The following RFC3 variants were observed in gnomAD, a reference collection of about 807,000 sequenced individuals.
RFC3 encodes replication factor C subunit 3, also known as A1 38 kDa subunit.
RFC3 carries 41 observed loss-of-function variants against 45.1 expected under a neutral mutation model. That is an observed-to-expected ratio of 0.91 (90% confidence interval 0.71 to 1.18). The LOEUF (loss-of-function observed/expected upper bound fraction) is 1.18. Ranked by LOEUF, RFC3 falls within the 50% of genes most tolerant of loss-of-function variation. RFC3 has a pLI of 0.00. For missense variants in RFC3, 423 were observed against 428.1 expected, an observed-to-expected ratio of 0.99 and a Z score of 0.10; for synonymous variants, 149 against 144.0, an observed-to-expected ratio of 1.03 and a Z score of -0.25.
chr13:33,961,467 A>G (rs1015529276), intron 8 of RFC3, among the ~76,000 whole-genome samples: 1 of 152,168 alleles, frequency 6.6e-6, no homozygotes, highest in African/African-American at 2.4e-5. Context: ...TCTTTTATCT[A>G]TTCCTAGAAA....
chr13:33,890,512 T>C (rs185027418), intron 8 of RFC3, among the ~76,000 whole-genome samples: 5 of 152,268 alleles, frequency 3.3e-5, no homozygotes, highest in Admixed American at 1.3e-4. Context: ...AAATGAGCAA[T>C]CGTATTGACC....
intron 8 of RFC3, among the ~76,000 whole-genome samples, chr13:33,916,881 G>T (rs941815492): frequency 2.6e-5 from 4 of 152,000 alleles, no homozygotes; most frequent in Admixed American, 2.6e-4. Flanking sequence ...TGCATTTTTG[G>T]TTTATATAAC....
intron 4 of RFC3, among the ~76,000 whole-genome samples, chr13:33,827,393 C>A (rs1022790478): frequency 5.3e-5 from 8 of 152,170 alleles, no homozygotes; most frequent in African/African-American, 1.9e-4. Context: ...GTCACTGTTT[C>A]AAACATCACT....
At chr13:33,866,571 GC>G (rs2082374997) in intron 8 of RFC3, among the ~76,000 whole-genome samples, 2 of 152,142 alleles carry the variant, frequency 1.3e-5, no homozygotes, top group African/African-American at 2.4e-5. Flanking sequence ...ACAGTTCTCA[GC>G]CCTGAGCCAC....
At chr13:33,895,810 G>A (rs1009972975) in intron 8 of RFC3, among the ~76,000 whole-genome samples, 3 of 152,104 alleles carry the variant, frequency 2.0e-5, no homozygotes, top group African/African-American at 7.2e-5. Context: ...GCACACCATA[G>A]AATACTACAC....
At chr13:33,968,142 T>C (rs1566046256), downstream of RFC3, among the ~76,000 whole-genome samples, 1 of 152,212 alleles carries the variant, frequency 6.6e-6, no homozygotes, top group Non-Finnish European at 1.5e-5. Flanking sequence ...TACTCCTTTT[T>C]TTTGAGATGG....
chr13:33,880,645 T>G (rs1334248210), intron 8 of RFC3, among the ~76,000 whole-genome samples: 2 of 152,250 alleles, frequency 1.3e-5, no homozygotes, highest in African/African-American at 4.8e-5. Context: ...TGCTAGTGGC[T>G]ACTGTATTGC....
At chr13:33,873,036 C>G (rs2082422737) in intron 8 of RFC3, among the ~76,000 whole-genome samples, 2 of 152,014 alleles carry the variant, frequency 1.3e-5, no homozygotes, top group Non-Finnish European at 2.9e-5. Flanking sequence ...GTTTAGGAGA[C>G]AAAATTGAGG....
At chr13:33,962,965 A>G (rs2083066482) in intron 8 of RFC3, among the ~76,000 whole-genome samples, 1 of 152,168 alleles carries the variant, frequency 6.6e-6, no homozygotes, top group African/African-American at 2.4e-5. Flanking sequence ...CCTTTGTCAA[A>G]TGACTACTCT....
Position 33,933,381 on chromosome 13 carries a change from A to G in RFC3, c.880-32706A>G, listed in dbSNP as rs763995598. Among the ~76,000 whole-genome samples, 6 of 152,214 alleles carry G rather than the reference A, an allele frequency of 3.9e-5. No individual in the cohort carries two copies. In the Middle Eastern group the frequency reaches 0.014, roughly 345 times the overall value. Reference sequence around the variant, plus strand: ...ACTGCTGGTCAGTGCTGTGGAAACAATTTATCCCAAGAACTTATTATTGGC... The same window carrying G: ...ACTGCTGGTCAGTGCTGTGGAAACAGTTTATCCCAAGAACTTATTATTGGC... On this transcript the variant is annotated intron_variant, in intron 8 of 8. Coordinates refer to the RFC3 transcript ENST00000434425.
intron 7 of RFC3, 62 bp from the exon 8 acceptor site, chr13:33,835,086 G>A (rs1446769204): frequency 1.7e-5 from 18 of 1,037,686 alleles, no homozygotes; most frequent in Non-Finnish European, 2.5e-5. Flanking sequence ...CCATACAGTG[G>A]GAATTTGGAA....
downstream of RFC3, among the ~76,000 whole-genome samples, chr13:33,967,663 T>G (rs1477250748): frequency 1.3e-5 from 2 of 151,770 alleles, no homozygotes; most frequent in Non-Finnish European, 1.5e-5. Flanking sequence ...AATTTTTGTA[T>G]TTTTAGTAGA....
chr13:33,929,559 G>A (rs1485289166), intron 8 of RFC3, among the ~76,000 whole-genome samples: 1 of 151,916 alleles, frequency 6.6e-6, no homozygotes, highest in Non-Finnish European at 1.5e-5. Context: ...AATGTCCTTA[G>A]GAATTTCTTT....
At chr13:33,900,812 G>A (rs1321257213) in intron 8 of RFC3, among the ~76,000 whole-genome samples, 1 of 139,482 alleles carries the variant, frequency 7.2e-6, no homozygotes, top group Non-Finnish European at 1.5e-5. Context: ...GAATATAGAA[G>A]AAGCTAAAAC....
chr13:33,973,461 A>G, the RFC3 span, among the ~76,000 whole-genome samples: 1 of 152,152 alleles, frequency 6.6e-6, no homozygotes, highest in Non-Finnish European at 1.5e-5. Flanking sequence ...CACATCTGGA[A>G]AGGGAGATAG....
At chr13:33,883,492 A>G (rs960801628) in intron 8 of RFC3, among the ~76,000 whole-genome samples, 1 of 152,136 alleles carries the variant, frequency 6.6e-6, no homozygotes, top group Admixed American at 6.5e-5. Flanking sequence ...TAACCTATAT[A>G]TAACTAAAAT....
chr13:33,920,420 CTTTT>C (rs777079510), intron 8 of RFC3, among the ~76,000 whole-genome samples: 2 of 83,168 alleles, frequency 2.4e-5, no homozygotes, highest in African/African-American at 5.1e-5. Context: ...TACAACCACA[CTTTT>C]TTTTTTTTTT....
At chr13:33,887,628 T>G (rs2082534729) in intron 8 of RFC3, among the ~76,000 whole-genome samples, 1 of 152,220 alleles carries the variant, frequency 6.6e-6, no homozygotes, top group Non-Finnish European at 1.5e-5. Context: ...GTGCAGGAGC[T>G]CTTTAGTTTA....
intron 8 of RFC3, among the ~76,000 whole-genome samples, chr13:33,844,235 G>T (rs1248481108): frequency 6.6e-6 from 1 of 152,118 alleles, no homozygotes; most frequent in Non-Finnish European, 1.5e-5. Context: ...TAGTCTTCTG[G>T]TTCTTTAATC....
Sources: allele counts gnomAD v4.1 joint callset (sites outside exome capture counted in the v4.1 genomes callset), GRCh38; gene constraint gnomAD v4.1.1; transcripts MANE v1.5; gene names NCBI Gene and HGNC (gene_info 2026-07-23, HGNC 2026-07-21).